CACNG8: variants seen among roughly 807,000 people sequenced by gnomAD.
CACNG8 encodes calcium voltage-gated channel auxiliary subunit gamma 8, also known as voltage-dependent calcium channel gamma-8 subunit.
In CACNG8, 5 loss-of-function variants were observed where a neutral mutation model predicts 26.9. The observed-to-expected ratio is 0.19, with a 90% confidence interval of 0.10 to 0.39. The LOEUF (loss-of-function observed/expected upper bound fraction) is 0.39. CACNG8 is among the 10% of genes least tolerant of loss of function. The pLI is 1.00. For missense variants in CACNG8, 473 were observed against 609.4 expected (o/e 0.78, Z 2.36); for synonymous variants, 321 against 296.7 (o/e 1.08, Z -0.84).
At chr19:53,976,744 C>A (rs989592408) in intron 1 of CACNG8, among the ~76,000 whole-genome samples, 1 of 151,994 alleles carries the variant, frequency 6.6e-6, no homozygotes, top group Non-Finnish European at 1.5e-5. Context: ...GCAGCCTTGG[C>A]TCACTGCAAC....
chr19:53,963,804 C>CTTTTTTT (rs34483691), intron 1 of CACNG8, among the ~76,000 whole-genome samples: 1 of 128,174 alleles, frequency 7.8e-6, no homozygotes, highest in Non-Finnish European at 1.6e-5. Flanking sequence ...TGCCTTTTCT[C>CTTTTTTT]TTTTTTTTTT....
intron 1 of CACNG8, among the ~76,000 whole-genome samples, chr19:53,969,295 G>A (rs1343585416): frequency 6.6e-6 from 1 of 152,064 alleles, no homozygotes; most frequent in Admixed American, 6.6e-5. Context: ...AAGCCACCGC[G>A]CCCAGCCGGT....
At chr19:53,975,579 C>G (rs1039997485) in intron 1 of CACNG8, among the ~76,000 whole-genome samples, 1 of 151,894 alleles carries the variant, frequency 6.6e-6, no homozygotes, top group Non-Finnish European at 1.5e-5. Context: ...GGGGTTTTAC[C>G]ATGTTGGCCA....
intron 1 of CACNG8, among the ~76,000 whole-genome samples, chr19:53,970,861 G>A (rs367835856): frequency 1.3e-5 from 2 of 151,224 alleles, no homozygotes; most frequent in Non-Finnish European, 2.9e-5. Flanking sequence ...GAGCCCAGAA[G>A]GTCGAGGCTG....
Position 53,983,091 on chromosome 19 carries a change from T to TA in CACNG8, c.*243dup, listed in dbSNP as rs200471778. 4,010 of 125,260 alleles carry TA rather than the reference T, an allele frequency of 0.032. 83 individuals carry two copies. The highest frequency in any genetic ancestry group is 0.063 in the South Asian group (205 of 3,270). The allele number at this position is 125,260 out of a possible 1,614,324, so 7.8% of individuals were successfully genotyped here. ...TCGTGTTTTATTTTTTTGGGGGATC[T>TA]ATGGGGAGGGGGGAGGGCCATGGTG... On this transcript the variant is annotated 3_prime_UTR_variant, in exon 4 of 4. Transcript: ENST00000270458.
chr19:53,974,457 T>C (rs1422866532), intron 1 of CACNG8, among the ~76,000 whole-genome samples: 1 of 152,156 alleles, frequency 6.6e-6, no homozygotes, highest in Non-Finnish European at 1.5e-5. Context: ...CTTTTAATTC[T>C]TTTGGGTCTA....
intron 3 of CACNG8, 89 bp from the exon 4 acceptor site, chr19:53,981,991 C>G: frequency 4.5e-6 from 6 of 1,346,582 alleles, no homozygotes; most frequent in East Asian, 3.1e-5. Flanking sequence ...CGCCTGGGCC[C>G]GCTGGCGCAG....
rs1241807741 is a variant in CACNG8, at chr19:53,982,024, G to A, written c.509-56G>A. The stretch of plus-strand genomic sequence containing the variant: ...CAGGCGGGCAGGGGTCGGGGCCGGG[G>A]GCGGGGGCGGGGCCGGGGGTGGCCT... On this transcript the variant is annotated intron_variant, in intron 3 of 3. Coordinates refer to ENST00000270458, the MANE Select transcript of CACNG8 (RefSeq NM_031895.6). This position sits in a 1 kb window ranked among gnomAD's most constrained non-coding sequence, Gnocchi z 8.4. The A allele has an allele frequency of 2.0e-6, 3 of 1,502,240 alleles. No homozygotes were observed. The highest frequency in any genetic ancestry group is 2.7e-5 in the East Asian group (1 of 37,142). The allele number at this position is 1,502,240 out of a possible 1,614,324, so 93.1% of individuals were successfully genotyped here. A position where few individuals can be genotyped will look rare whatever the true frequency, so the allele number is the denominator to read the frequency against.
At chr19:53,970,764 C>A (rs537615461) in intron 1 of CACNG8, among the ~76,000 whole-genome samples, 1 of 151,204 alleles carries the variant, frequency 6.6e-6, no homozygotes, top group East Asian at 2.0e-4. Context: ...GAGACCCCGC[C>A]TGTGTAAAAA....
In CACNG8 at chr19:53,982,682, G is replaced by A; in HGVS notation, c.1111G>A (p.Ala371Thr). The A allele has an allele frequency of 8.9e-7, 1 of 1,121,224 alleles. No individual in the cohort carries two copies. Among genetic ancestry groups the A allele is most frequent in the Non-Finnish European group, 1.1e-6 (1 of 922,524 alleles). The allele number at this position is 1,121,224 out of a possible 1,614,324, so 69.5% of individuals were successfully genotyped here. The change falls in exon 4 of 4, where the codon GCC (alanine) becomes ACC (threonine). Residue 371 changes from alanine to threonine, a missense_variant. Coordinates refer to ENST00000270458, the MANE Select transcript of CACNG8 (RefSeq NM_031895.6). This position sits in a 1 kb window ranked among gnomAD's most constrained non-coding sequence, Gnocchi z 8.4. ...GTCCGGCTTCCTCACGCTGCACAACGCCTTCCCCAAGGAGGCGGGCGGCGG... is the reference window on the plus strand; with the variant it reads ...GTCCGGCTTCCTCACGCTGCACAACACCTTCCCCAAGGAGGCGGGCGGCGG...
At chr19:53,970,489 G>A (rs1016321358) in intron 1 of CACNG8, among the ~76,000 whole-genome samples, 1 of 150,644 alleles carries the variant, frequency 6.6e-6, no homozygotes, top group Non-Finnish European at 1.5e-5. Flanking sequence ...GTCGGGCGTA[G>A]TTGTGGGTGC....
In CACNG8 at chr19:53,963,290, C is replaced by G; in HGVS notation, c.148C>G (p.Leu50Val). Residue 50 changes from leucine (L) to valine (V), a missense_variant, in exon 1 of 4, where the codon CTC (leucine) becomes GTC (valine). Leu to Val is a conservative substitution (Grantham distance 32, BLOSUM62 1). This residue lies in a region of CACNG8 where 69 missense variants were observed against 66.7 expected (regional missense o/e 1.03). Transcript: ENST00000270458. ...TGACTACTGGCTCTACACGCGCGCC[C>G]TCATCTGCAACACCACCAACCTCAC... The G allele has an allele frequency of 6.2e-7, 1 of 1,609,164 alleles. No homozygotes were observed. Among genetic ancestry groups the G allele is most frequent in the Non-Finnish European group, 8.5e-7 (1 of 1,179,322 alleles).
chr19:53,980,852 G>T (rs1257836730), intron 3 of CACNG8, among the ~76,000 whole-genome samples: 2 of 152,172 alleles, frequency 1.3e-5, no homozygotes, highest in African/African-American at 4.8e-5. Flanking sequence ...CAGGGGCAGA[G>T]CTTTTTTGGA....
rs1224994805 is a variant in CACNG8, at chr19:53,988,858, A to T, written c.*6009A>T. The T allele has an allele frequency of 1.3e-5, 2 of 152,296 alleles. No individual in the cohort carries two copies. The highest frequency in any genetic ancestry group is 4.8e-5 in the African/African-American group (2 of 41,458). The allele number at this position is 152,296 out of a possible 1,614,324, so 9.4% of individuals were successfully genotyped here. On this transcript the variant is annotated 3_prime_UTR_variant, in exon 4 of 4. Transcript: ENST00000270458. ...CCAGCTCCTGTCTCTTGCTGCTGTC[A>T]GCGCCGGGCACACTCTGGGATTCCC... is the stretch of plus-strand genomic sequence containing the variant.
In CACNG8 at chr19:53,982,356, G is replaced by A. The variant is rs768228789; in HGVS notation, c.785G>A (p.Arg262His). Residue 262 changes from arginine to histidine, a missense_variant, in exon 4 of 4, where the codon CGT becomes CAT. By Grantham distance (29) the Arg-to-His change is conservative. This residue lies in a region of CACNG8 where 155 missense variants were observed against 253.0 expected (regional missense o/e 0.61). Coordinates refer to ENST00000270458, the MANE Select transcript of CACNG8 (RefSeq NM_031895.6). This position sits in a 1 kb window ranked among gnomAD's most constrained non-coding sequence, Gnocchi z 8.4. Reference sequence around the variant, plus strand: ...GGGAGCGGCCCCTCGGCCATCCTCCGTCTGCCCAGTTACCGCTTCCGCTAC... The same window carrying A: ...GGGAGCGGCCCCTCGGCCATCCTCCATCTGCCCAGTTACCGCTTCCGCTAC... 6 of 1,544,412 alleles carry A rather than the reference G, an allele frequency of 3.9e-6. No individual in the cohort carries two copies. The East Asian group carries it at 9.8e-5, about 25-fold the overall frequency.
At chr19:53,978,107 A>T in intron 1 of CACNG8, 39 bp from the exon 2 acceptor site, 42 of 1,240,652 alleles carry the variant, frequency 3.4e-5, no homozygotes, top group Non-Finnish European at 4.6e-5. Context: ...CCCAACCCTG[A>T]AGTATCCGCC....
intron 3 of CACNG8, among the ~76,000 whole-genome samples, chr19:53,980,812 C>T (rs1006937338): frequency 6.6e-6 from 1 of 152,190 alleles, no homozygotes; most frequent in Non-Finnish European, 1.5e-5. Context: ...GGCCCCCTTT[C>T]TACCCCGTAT....
chr19:53,981,964 A>C (rs2145942151), intron 3 of CACNG8, 116 bp from the exon 4 acceptor site: 1 of 1,182,126 alleles, frequency 8.5e-7, no homozygotes, highest in Admixed American at 4.3e-5. Context: ...GGTGGGGCCT[A>C]GACCGCCTGG....
Position 53,963,262 on chromosome 19 carries a change from C to T in CACNG8, c.120C>T (p.Ser40=). The T allele has an allele frequency of 6.2e-7, 1 of 1,610,922 alleles. No homozygotes were observed. The highest frequency in any genetic ancestry group is 1.1e-5 in the South Asian group (1 of 91,024). Reference sequence around the variant, plus strand: ...TCGGCCTCATGACCATCGCCATCAGCACTGACTACTGGCTCTACACGCGCG... The same window carrying T: ...TCGGCCTCATGACCATCGCCATCAGTACTGACTACTGGCTCTACACGCGCG... The change falls in exon 1 of 4, where the codon AGC becomes AGT. Residue 40 remains serine, a synonymous_variant. Coordinates refer to ENST00000270458, the MANE Select transcript of CACNG8 (RefSeq NM_031895.6).
Sources: gnomAD v4.1 joint callset for allele counts (sites outside exome capture counted in the v4.1 genomes callset) on GRCh38, gnomAD v4.1.1 for gene constraint, gnomAD v4.1.1 regional missense constraint, Gnocchi (gnomAD v3.1) non-coding constraint, MANE v1.5 for transcripts, NCBI Gene and HGNC (gene_info 2026-07-23, HGNC 2026-07-21) for gene names.